The following GSDME variants were observed in gnomAD, a reference collection of about 807,000 sequenced individuals.
The protein encoded by GSDME is gasdermin-E.
GSDME carries 44 observed loss-of-function variants against 47.5 expected under a neutral mutation model. That is an observed-to-expected ratio of 0.93 (90% CI 0.73 to 1.19). The LOEUF is 1.19. Ranked by LOEUF, GSDME falls within the 50% of genes most tolerant of loss-of-function variation. GSDME has a pLI of 0.00. For missense variants in GSDME, 663 were observed against 604.2 expected, an observed-to-expected ratio of 1.10 and a Z score of -1.02; for synonymous variants, 258 against 252.8, an observed-to-expected ratio of 1.02 and a Z score of -0.20.
Position 24,749,808 on chromosome 7 carries a change from T to C in GSDME, c.-19-15A>G, listed in dbSNP as rs779948408. 18 of 1,548,500 alleles carry C rather than the reference T, an allele frequency of 1.2e-5. No homozygotes were observed. Among genetic ancestry groups the C allele is most frequent in the East Asian group, 2.2e-5 (1 of 44,518 alleles). On this transcript the variant is annotated splice_polypyrimidine_tract_variant and intron_variant, in intron 1 of 9. Transcript: ENST00000645220. ...CTCCAGATTATCTGAAAAAGTAAAGTTATCCTAAAATCAAATAAGAAGTTA... is the reference window on the plus strand; with the variant it reads ...CTCCAGATTATCTGAAAAAGTAAAGCTATCCTAAAATCAAATAAGAAGTTA...
chr7:24,700,582 G>C (rs1788823801), intron 9 of GSDME, among the ~76,000 whole-genome samples: 1 of 152,176 alleles, frequency 6.6e-6, no homozygotes, highest in South Asian at 2.1e-4. Flanking sequence ...GCTTGTCCAG[G>C]TAGACTGAAG....
At chr7:24,778,719 C>G in the GSDME span, among the ~76,000 whole-genome samples, 1 of 152,114 alleles carries the variant, frequency 6.6e-6, no homozygotes, top group Non-Finnish European at 1.5e-5. This position sits in a 1 kb window ranked among gnomAD's most constrained non-coding sequence, Gnocchi z 5.6. Context: ...GGGGTGGCCT[C>G]TTTCATTTTA....
In GSDME at chr7:24,719,211, T is replaced by G. The variant is rs2128053731; in HGVS notation, c.412A>C (p.Asn138His). The G allele has an allele frequency of 1.2e-6, 2 of 1,611,394 alleles. No individual in the cohort carries two copies. Among genetic ancestry groups the G allele is most frequent in the Non-Finnish European group, 1.7e-6 (2 of 1,180,004 alleles). ...TGCTGGAGCACAGGGTTTCTCAGAT[T>G]TATTGTTCTGAAAAAGAAAAACGGA... ...LIRDSAERTI[N>H]LRNPVLQQVL... Residue 138 changes from asparagine to histidine, a missense_variant, in exon 4 of 10, where the codon AAT becomes CAT. By Grantham distance (68) the Asn-to-His change is moderately conservative. Transcript: ENST00000645220.
At chr7:24,703,130 A>G (rs1365069124) in intron 8 of GSDME, 1 of 370,312 alleles carries the variant, frequency 2.7e-6, no homozygotes, top group Non-Finnish European at 5.2e-6. Flanking sequence ...AGGAAACAGC[A>G]TGGAAAAGCA....
rs781585217 is a variant in GSDME, at chr7:24,721,114, A to T, written c.405-1896T>A. Among the ~76,000 whole-genome samples the T allele has an allele frequency of 6.6e-5, 10 of 151,504 alleles. No homozygotes were observed. The highest frequency in any genetic ancestry group is 1.2e-4 in the Non-Finnish European group (8 of 68,038). ...CAGGGCTTCGCTGCCTGATGGCTGCAGAGTTCCTAGTTGAGGTGACGAAGA... is the reference window on the plus strand; with the variant it reads ...CAGGGCTTCGCTGCCTGATGGCTGCTGAGTTCCTAGTTGAGGTGACGAAGA... On this transcript the variant is annotated intron_variant, in intron 3 of 9. Transcript: ENST00000645220. This position sits in a 1 kb window ranked among gnomAD's most constrained non-coding sequence, Gnocchi z 4.1.
chr7:24,719,481 T>G (rs1789695848), intron 3 of GSDME, among the ~76,000 whole-genome samples: 1 of 152,114 alleles, frequency 6.6e-6, no homozygotes. Context: ...CAGCGCCGGT[T>G]GTCAAGGAGA....
intron 1 of GSDME, among the ~76,000 whole-genome samples, chr7:24,750,988 GTTTC>G (rs1479882010): frequency 1.3e-5 from 2 of 152,118 alleles, no homozygotes; most frequent in Admixed American, 6.6e-5. Context: ...AAATCAAGAG[GTTTC>G]TTTGAGGAAA....
At chr7:24,755,035 G>A (rs1790971115) in intron 1 of GSDME, among the ~76,000 whole-genome samples, 1 of 152,146 alleles carries the variant, frequency 6.6e-6, no homozygotes, top group African/African-American at 2.4e-5. Context: ...ATAACTCTTT[G>A]AAGTAGGCAG....
intron 6 of GSDME, among the ~76,000 whole-genome samples, chr7:24,709,121 ACT>A (rs951179379): frequency 6.6e-6 from 1 of 152,100 alleles, no homozygotes; most frequent in African/African-American, 2.4e-5. Context: ...ATATTTCAAA[ACT>A]CTGCTATACA....
At chr7:24,729,137 CA>C (rs896053616) in intron 3 of GSDME, among the ~76,000 whole-genome samples, 17 of 152,312 alleles carry the variant, frequency 1.1e-4, no homozygotes, top group African/African-American at 4.1e-4. Context: ...TAATTAACTG[CA>C]ACCAGTGGAT....
chr7:24,743,440 G>A (rs1041733652), intron 3 of GSDME, among the ~76,000 whole-genome samples: 9 of 152,122 alleles, frequency 5.9e-5, no homozygotes, highest in Admixed American at 6.5e-5. Flanking sequence ...TATCATCCCC[G>A]CTGAATTACT....
chr7:24,711,543 G>A (rs958058418), intron 5 of GSDME, among the ~76,000 whole-genome samples: 10 of 152,094 alleles, frequency 6.6e-5, no homozygotes, highest in East Asian at 5.9e-4. Flanking sequence ...AAAAAGGGCC[G>A]GGCATGGTGG....
intron 1 of GSDME, among the ~76,000 whole-genome samples, 200 bp from the exon 2 acceptor site, chr7:24,749,993 G>A (rs1054847404): frequency 2.6e-5 from 4 of 152,156 alleles, no homozygotes; most frequent in Non-Finnish European, 5.9e-5. Flanking sequence ...ATACCAGTCT[G>A]GATATGCTAG....
At position 24,717,318 on chromosome 7, in the gene GSDME, G is replaced by T; in HGVS notation, c.633C>A (p.Ile211=). ...VTKDSNVVLE[I]PAATTIAYGV... ...CGTAGGCAATGGTGGTGGCAGCTGG[G>T]ATCTCCAGCACCACGTTGGAGTCCT... Residue 211 remains isoleucine, a synonymous_variant, in exon 5 of 10, where the codon ATC becomes ATA. Transcript: ENST00000645220. 1.9e-5 allele frequency: 30 copies of T among 1,613,924 alleles called. No homozygotes were observed. Among genetic ancestry groups the T allele is most frequent in the Non-Finnish European group, 2.5e-5 (30 of 1,179,944 alleles).
chr7:24,715,873 T>TA (rs1789533850), intron 5 of GSDME, among the ~76,000 whole-genome samples: 1 of 152,214 alleles, frequency 6.6e-6, no homozygotes, highest in Non-Finnish European at 1.5e-5. Flanking sequence ...TTCACCGCCC[T>TA]AAAATGCAGG....
At chr7:24,782,391 T>C in the GSDME span, among the ~76,000 whole-genome samples, 1 of 152,186 alleles carries the variant, frequency 6.6e-6, no homozygotes, top group Admixed American at 6.5e-5. Context: ...ACAAAGGACA[T>C]GAATTCATCT....
chr7:24,764,201 A>G, the GSDME span, among the ~76,000 whole-genome samples: 1 of 152,234 alleles, frequency 6.6e-6, no homozygotes, highest in Non-Finnish European at 1.5e-5. This position sits in a 1 kb window ranked among gnomAD's most constrained non-coding sequence, Gnocchi z 4.4. Context: ...TTGGCAAGGA[A>G]AATTATCCTG....
In GSDME at chr7:24,745,015, G is replaced by C. The variant is rs1035060538; in HGVS notation, c.212-261C>G. 6.8e-6 allele frequency among the ~76,000 whole-genome samples: 1 copy of C among 146,220 alleles called. No homozygotes were observed. The highest frequency in any genetic ancestry group is 1.5e-5 in the Non-Finnish European group (1 of 67,718). On this transcript the variant is annotated intron_variant, in intron 2 of 9. Coordinates refer to ENST00000645220, the MANE Select transcript of GSDME (RefSeq NM_001127453.2). This position sits in a 1 kb window ranked among gnomAD's most constrained non-coding sequence, Gnocchi z 4.4. The stretch of plus-strand genomic sequence containing the variant: ...TGTGTGTGTGTGTGTGTGTGTGTGT[G>C]TGTGTGTGTGTGTGTGTGTGGACCA...
In GSDME at chr7:24,723,718, G is replaced by A. The variant is rs187530130; in HGVS notation, c.405-4500C>T. 2.4e-4 allele frequency among the ~76,000 whole-genome samples: 37 copies of A among 152,324 alleles called. 1 individual carries two copies. The highest frequency in any genetic ancestry group is 8.9e-4 in the African/African-American group (37 of 41,572). ...CATGGCCATAGCACCCATAGCTGCTGTCTCCCTCTTCTGGGTGAGGGCACC... is the reference window on the plus strand; with the variant it reads ...CATGGCCATAGCACCCATAGCTGCTATCTCCCTCTTCTGGGTGAGGGCACC... On this transcript the variant is annotated intron_variant, in intron 3 of 9. Coordinates refer to ENST00000645220, the MANE Select transcript of GSDME (RefSeq NM_001127453.2).
Sources: gnomAD v4.1 joint callset for allele counts (sites outside exome capture counted in the v4.1 genomes callset) on GRCh38, gnomAD v4.1.1 for gene constraint, Gnocchi (gnomAD v3.1) non-coding constraint, MANE v1.5 for transcripts, NCBI Gene and HGNC (gene_info 2026-07-23, HGNC 2026-07-21) for gene names.